The following SHISA6 variants were observed in gnomAD, a reference collection of about 807,000 sequenced individuals.
The protein encoded by SHISA6 is protein shisa-6.
A neutral mutation model predicts 47.9 loss-of-function variants in SHISA6; 22 were observed. That is an observed-to-expected ratio of 0.46 (90% confidence interval 0.33 to 0.66). The LOEUF (loss-of-function observed/expected upper bound fraction) is 0.66, where lower values mean the gene tolerates loss of function less well. Among genes scored for constraint, SHISA6 ranks in the 30% least tolerant of loss-of-function variants. The pLI is 0.02. For synonymous variants in SHISA6, 388 were observed against 337.8 expected (o/e 1.15, Z -1.63); for missense variants, 680 against 764.6 (o/e 0.89, Z 1.30).
chr17:11,424,518 T>C (rs535387126), intron 3 of SHISA6, among the ~76,000 whole-genome samples: 1 of 151,370 alleles, frequency 6.6e-6, no homozygotes, highest in Non-Finnish European at 1.5e-5. Flanking sequence ...CAACAGGATA[T>C]GTACAATACT....
chr17:11,498,787 AAGGCTGTG>A (rs1308104684), intron 3 of SHISA6, among the ~76,000 whole-genome samples: 2 of 152,138 alleles, frequency 1.3e-5, no homozygotes, highest in Non-Finnish European at 1.5e-5. Context: ...ACGTGTAATA[AAGGCTGTG>A]GACTTGTAGG....
chr17:11,480,488 G>A (rs779288537), intron 3 of SHISA6, among the ~76,000 whole-genome samples: 1 of 152,194 alleles, frequency 6.6e-6, no homozygotes, highest in Non-Finnish European at 1.5e-5. Context: ...GCCAGGAGAA[G>A]GAAGGTATGG....
intron 3 of SHISA6, among the ~76,000 whole-genome samples, chr17:11,428,789 T>TG (rs1233878984): frequency 6.8e-6 from 1 of 147,002 alleles, no homozygotes; most frequent in Non-Finnish European, 1.5e-5. Flanking sequence ...CTTTTTTTTT[T>TG]TTTTTTTTTT....
intron 3 of SHISA6, among the ~76,000 whole-genome samples, chr17:11,506,537 G>A (rs1408682002): frequency 1.3e-5 from 2 of 152,118 alleles, no homozygotes; most frequent in African/African-American, 4.8e-5. Context: ...ACTGACAGAG[G>A]ATTGAGCTCC....
At chr17:11,453,289 G>C (rs1915451423) in intron 3 of SHISA6, among the ~76,000 whole-genome samples, 1 of 152,166 alleles carries the variant, frequency 6.6e-6, no homozygotes, top group Non-Finnish European at 1.5e-5. Flanking sequence ...ACACTTGGTA[G>C]AAGAGAGCCT....
At chr17:11,464,425 G>A (rs952787684) in intron 3 of SHISA6, among the ~76,000 whole-genome samples, 2 of 152,142 alleles carry the variant, frequency 1.3e-5, no homozygotes, top group African/African-American at 4.8e-5. Context: ...TCTTGCCTGA[G>A]TGATCCTCCA....
chr17:11,529,424 C>T (rs1203068318), intron 3 of SHISA6, among the ~76,000 whole-genome samples: 1 of 151,986 alleles, frequency 6.6e-6, no homozygotes, highest in African/African-American at 2.4e-5. Context: ...GGAAAGGCTG[C>T]ATTAGAACCA....
chr17:11,360,491 T>TG (rs1396449075), intron 2 of SHISA6, among the ~76,000 whole-genome samples: 3 of 143,830 alleles, frequency 2.1e-5, no homozygotes, highest in South Asian at 4.4e-4. Flanking sequence ...ACCCGGGAAG[T>TG]GGAGGTTGCA....
At chr17:11,493,761 A>G (rs1039320442) in intron 3 of SHISA6, among the ~76,000 whole-genome samples, 2 of 152,208 alleles carry the variant, frequency 1.3e-5, no homozygotes, top group Non-Finnish European at 2.9e-5. Flanking sequence ...CCAACTCTAC[A>G]GAGCTGACAA....
intron 3 of SHISA6, among the ~76,000 whole-genome samples, chr17:11,396,426 G>C (rs2142260280): frequency 6.6e-6 from 1 of 152,230 alleles, no homozygotes; most frequent in Middle Eastern, 3.4e-3. Context: ...CTTTGCTACT[G>C]TGAACAGTGC....
intron 2 of SHISA6, among the ~76,000 whole-genome samples, chr17:11,305,395 A>G (rs150378886): frequency 6.6e-6 from 1 of 152,304 alleles, no homozygotes; most frequent in African/African-American, 2.4e-5. Flanking sequence ...AATGCACAGG[A>G]AGAGGGGGAG....
intron 3 of SHISA6, among the ~76,000 whole-genome samples, chr17:11,497,684 A>C (rs2071419809): frequency 6.6e-6 from 1 of 152,200 alleles, no homozygotes; most frequent in Non-Finnish European, 1.5e-5. Context: ...GGCTCTCCAT[A>C]CATGGGTTAA....
rs1255696616 is a variant in SHISA6 at position 11,561,194 on chromosome 17, A to G, written c.*2890A>G. 2 of 152,176 alleles carry G rather than the reference A, an allele frequency of 1.3e-5. No homozygotes were observed. The highest frequency in any genetic ancestry group is 4.8e-5 in the African/African-American group (2 of 41,454). The allele number at this position is 152,176 out of a possible 1,614,324, so 9.4% of individuals were successfully genotyped here. A position where few individuals can be genotyped will look rare whatever the true frequency, so the allele number is the denominator to read the frequency against. On this transcript the variant is annotated 3_prime_UTR_variant, in exon 6 of 6. Transcript: ENST00000441885. ...ACCAGGCTGGTGGCCTCTACCATAC[A>G]TAGAAGTACCATCCACCCTTACAGT...
chr17:11,317,820 T>G (rs960764369), intron 2 of SHISA6, among the ~76,000 whole-genome samples: 2 of 147,096 alleles, frequency 1.4e-5, no homozygotes, highest in Non-Finnish European at 3.0e-5. Flanking sequence ...AATTCTTTAT[T>G]TTATTATTCT....
At chr17:11,330,402 A>C (rs1366899459) in intron 2 of SHISA6, among the ~76,000 whole-genome samples, 1 of 152,064 alleles carries the variant, frequency 6.6e-6, no homozygotes, top group Non-Finnish European at 1.5e-5. Flanking sequence ...GGCCAAGGAA[A>C]GGGTAGAACT....
In SHISA6 at chr17:11,354,250, C is replaced by T. The variant is rs532677577; in HGVS notation, c.800-25164C>T. On this transcript the variant is annotated intron_variant, in intron 2 of 5. Coordinates refer to ENST00000441885, the MANE Select transcript of SHISA6 (RefSeq NM_207386.4). ...TGGGGACCTTGTTCAAATGCGAATT[C>T]GGATTCAGTAGGCCCAGGGTGGGGC... Among the ~76,000 whole-genome samples, 137 of 152,254 alleles carry T rather than the reference C, an allele frequency of 9.0e-4. 3 individuals are homozygous for T. In the South Asian group the frequency reaches 0.022, roughly 25 times the overall value.
At chr17:11,493,853 T>C (rs2071386214) in intron 3 of SHISA6, among the ~76,000 whole-genome samples, 1 of 152,166 alleles carries the variant, frequency 6.6e-6, no homozygotes, top group Non-Finnish European at 1.5e-5. Context: ...TTGTGTACAA[T>C]TTGTACACGC....
At chr17:11,348,353 A>G (rs769148669) in intron 2 of SHISA6, among the ~76,000 whole-genome samples, 5 of 152,226 alleles carry the variant, frequency 3.3e-5, no homozygotes, top group Non-Finnish European at 7.3e-5. Flanking sequence ...GCACCTGCAG[A>G]TCGTGAGTGA....
intron 2 of SHISA6, among the ~76,000 whole-genome samples, chr17:11,369,706 C>G (rs1246851151): frequency 6.6e-6 from 1 of 152,210 alleles, no homozygotes; most frequent in African/African-American, 2.4e-5. Flanking sequence ...CTGCCCGGCT[C>G]TTTTCAGGGT....
Sources: gnomAD v4.1 joint callset for allele counts (sites outside exome capture counted in the v4.1 genomes callset) on GRCh38, gnomAD v4.1.1 for gene constraint, MANE v1.5 for transcripts, NCBI Gene and HGNC (gene_info 2026-07-23, HGNC 2026-07-21) for gene names.